The following FHIT variants were observed in gnomAD, a reference collection of about 807,000 sequenced individuals.
FHIT encodes the protein fragile histidine triad diadenosine triphosphatase.
Under a neutral mutation model 17.9 loss-of-function variants are expected in FHIT, and 19 were observed. That is an observed-to-expected ratio of 1.06 (90% CI 0.74 to 1.56). The LOEUF (loss-of-function observed/expected upper bound fraction) is 1.56, where lower values mean the gene tolerates loss of function less well. Ranked by LOEUF, FHIT falls within the 40% of genes most tolerant of loss-of-function variation. The pLI, the probability that FHIT is intolerant of heterozygous loss-of-function variation, is 0.00. For missense variants in FHIT, 248 were observed against 189.2 expected, an observed-to-expected ratio of 1.31 and a Z score of -1.82; for synonymous variants, 81 against 69.7, an observed-to-expected ratio of 1.16 and a Z score of -0.81.
chr3:61,128,658 G>A lies in FHIT; in HGVS notation c.-164+71959C>T, dbSNP rs941354516. Among the ~76,000 whole-genome samples, 11 of 152,148 alleles carry A rather than the reference G, an allele frequency of 7.2e-5. No homozygotes were observed. The South Asian group carries it at 8.3e-4, about 11-fold the overall frequency. Reference sequence around the variant, plus strand: ...CCATCATTTGAGACCTCTCTAGTTCGTTGATTTCAAACTCTGTTACTACTG... The same window carrying A: ...CCATCATTTGAGACCTCTCTAGTTCATTGATTTCAAACTCTGTTACTACTG... On this transcript the variant is annotated intron_variant, in intron 2 of 9. Coordinates refer to ENST00000492590, the MANE Select transcript of FHIT (RefSeq NM_002012.4).
intron 5 of FHIT, among the ~76,000 whole-genome samples, chr3:60,414,256 A>G (rs535275145): frequency 1.3e-3 from 196 of 152,338 alleles, no homozygotes; most frequent in African/African-American, 4.7e-3. Context: ...AGTCAGGCAG[A>G]TAACTTGCAT....
chr3:60,031,803 A>G (rs1701014244), intron 5 of FHIT, among the ~76,000 whole-genome samples: 1 of 152,184 alleles, frequency 6.6e-6, no homozygotes, highest in Non-Finnish European at 1.5e-5. Context: ...AAAAGGAAGG[A>G]AACACATGAA....
intron 5 of FHIT, among the ~76,000 whole-genome samples, chr3:60,044,490 T>C (rs143345276): frequency 1.3e-5 from 2 of 152,266 alleles, no homozygotes; most frequent in East Asian, 1.9e-4. Context: ...TTCCCTTTTC[T>C]ACTCCCAGCA....
chr3:60,582,946 G>A (rs1445677520), intron 4 of FHIT, among the ~76,000 whole-genome samples: 2 of 151,892 alleles, frequency 1.3e-5, no homozygotes. Flanking sequence ...AGCTGAGCTA[G>A]GACTTGAACC....
chr3:61,202,051 T>A (rs1342174626), intron 1 of FHIT, among the ~76,000 whole-genome samples: 3 of 142,590 alleles, frequency 2.1e-5, no homozygotes. Context: ...CCTACATATA[T>A]ATACACGCAC....
In FHIT at chr3:60,837,703, C is replaced by CT. The variant is rs555354169; in HGVS notation, c.-110-15693dup. ...TTTTCTGTTTTCTTTGCCCAGACTT[C>CT]TTATAAGCTATTTGAACACTTTTTG... On this transcript the variant is annotated intron_variant, in intron 3 of 9. Coordinates refer to ENST00000492590, the MANE Select transcript of FHIT (RefSeq NM_002012.4). 2.7e-3 allele frequency among the ~76,000 whole-genome samples: 410 copies of CT among 152,104 alleles called. 4 individuals carry two copies. The highest frequency in any genetic ancestry group is 9.5e-3 in the African/African-American group (393 of 41,512).
At chr3:60,399,856 G>C (rs998377836) in intron 5 of FHIT, among the ~76,000 whole-genome samples, 1 of 152,126 alleles carries the variant, frequency 6.6e-6, no homozygotes, top group Non-Finnish European at 1.5e-5. Context: ...CTGTGGCTGA[G>C]TTAGGCTAGC....
intron 2 of FHIT, among the ~76,000 whole-genome samples, chr3:61,159,364 C>T (rs1358458841): frequency 1.3e-5 from 2 of 152,272 alleles, no homozygotes; most frequent in African/African-American, 2.4e-5. Flanking sequence ...CCTGCAGAGA[C>T]GAAGTCCCAC....
At position 59,923,692 on chromosome 3, in the gene FHIT, C is replaced by G. The variant is rs1483378529; in HGVS notation, c.280-1278G>C. The stretch of plus-strand genomic sequence containing the variant: ...AAGAGCTTAAATAGAGAGAGGCAGA[C>G]AGAGGGTCAAACCTCATCCCTGATC... On this transcript the variant is annotated intron_variant, in intron 7 of 9. Transcript: ENST00000492590. Among the ~76,000 whole-genome samples the G allele has an allele frequency of 2.0e-5, 3 of 152,160 alleles. 1 individual carries two copies. The highest frequency in any genetic ancestry group is 6.3e-3 in the Middle Eastern group (2 of 316).
chr3:59,911,286 C>T (rs1704860491), intron 8 of FHIT, among the ~76,000 whole-genome samples: 1 of 152,246 alleles, frequency 6.6e-6, no homozygotes, highest in African/African-American at 2.4e-5. Flanking sequence ...GACACACACT[C>T]ACACACACTC....
chr3:60,368,948 A>C (rs766086803), intron 5 of FHIT, among the ~76,000 whole-genome samples: 6 of 151,732 alleles, frequency 4.0e-5, no homozygotes, highest in Non-Finnish European at 8.8e-5. Context: ...TCCATTCAGT[A>C]TATTTCAATC....
intron 4 of FHIT, among the ~76,000 whole-genome samples, chr3:60,774,338 TTGCCCAGGCTGGGG>T (rs1700146061): frequency 6.6e-6 from 1 of 152,196 alleles, no homozygotes; most frequent in Admixed American, 6.5e-5. Context: ...TCCATTCTTG[TTGCCCAGGCTGGGG>T]TGCAATGGTG....
At chr3:59,790,101 G>A (rs1179278878) in intron 8 of FHIT, among the ~76,000 whole-genome samples, 1 of 152,160 alleles carries the variant, frequency 6.6e-6, no homozygotes, top group African/African-American at 2.4e-5. Context: ...ATGCCTGTAA[G>A]AGCAGATTCT....
chr3:60,250,261 AG>A (rs1374497179), intron 5 of FHIT, among the ~76,000 whole-genome samples: 1 of 152,210 alleles, frequency 6.6e-6, no homozygotes, highest in African/African-American at 2.4e-5. Flanking sequence ...TGCTTAAGCT[AG>A]AATGGGTCAC....
chr3:60,132,906 C>T (rs1300708415), intron 5 of FHIT, among the ~76,000 whole-genome samples: 2 of 152,140 alleles, frequency 1.3e-5, no homozygotes, highest in Admixed American at 1.3e-4. Context: ...TTTAAAAGAA[C>T]ATCACACTTA....
At chr3:60,460,225 C>T (rs1241671179) in intron 5 of FHIT, among the ~76,000 whole-genome samples, 1 of 152,060 alleles carries the variant, frequency 6.6e-6, no homozygotes, top group Admixed American at 6.6e-5. Context: ...TTTTGGGAAA[C>T]ATTAAAATTA....
At chr3:60,760,684 A>C (rs1699616637) in intron 4 of FHIT, among the ~76,000 whole-genome samples, 1 of 152,222 alleles carries the variant, frequency 6.6e-6, no homozygotes, top group Non-Finnish European at 1.5e-5. Context: ...GCTAGAAAGG[A>C]AAAAATAAGA....
chr3:60,351,845 T>A (rs1212281441), intron 5 of FHIT, among the ~76,000 whole-genome samples: 1 of 150,416 alleles, frequency 6.6e-6, no homozygotes, highest in African/African-American at 2.4e-5. Context: ...GCAGAAACCA[T>A]GCCCTTCCTT....
chr3:59,943,196 G>C (rs1559485198), intron 7 of FHIT, among the ~76,000 whole-genome samples: 1 of 152,136 alleles, frequency 6.6e-6, no homozygotes. Flanking sequence ...CGGAAAATAG[G>C]AATCAGGAAG....
Sources: gnomAD v4.1 joint callset for allele counts (sites outside exome capture counted in the v4.1 genomes callset) on GRCh38, gnomAD v4.1.1 for gene constraint, MANE v1.5 for transcripts, NCBI Gene and HGNC (gene_info 2026-07-23, HGNC 2026-07-21) for gene names.